The following PDZD2 variants were observed in gnomAD, a reference collection of about 807,000 sequenced individuals.
PDZD2 encodes the protein PDZ domain-containing protein 2.
Under a neutral mutation model 220.7 loss-of-function variants are expected in PDZD2, and 90 were observed. The observed-to-expected ratio is 0.41, with a 90% CI of 0.34 to 0.49. The LOEUF (loss-of-function observed/expected upper bound fraction) is 0.49. Among genes scored for constraint, PDZD2 ranks in the 20% least tolerant of loss-of-function variants. The pLI, the probability that PDZD2 is intolerant of heterozygous loss-of-function variation, is 0.28. For missense variants in PDZD2, 3,174 were observed against 3,608.5 expected, an observed-to-expected ratio of 0.88 and a Z score of 3.08; for synonymous variants, 1,375 against 1,450.5, an observed-to-expected ratio of 0.95 and a Z score of 1.18.
At chr5:31,881,925 G>C (rs1042271020) in intron 2 of PDZD2, among the ~76,000 whole-genome samples, 46 of 151,890 alleles carry the variant, frequency 3.0e-4, no homozygotes, top group Non-Finnish European at 5.9e-5. Flanking sequence ...CTCCACGTTG[G>C]CCAGGCTGGT....
At chr5:31,800,823 C>G (rs1293547953) in intron 2 of PDZD2, among the ~76,000 whole-genome samples, 5 of 152,162 alleles carry the variant, frequency 3.3e-5, no homozygotes, top group African/African-American at 9.7e-5. Flanking sequence ...AGTAAGGCTC[C>G]TATGTCCTAG....
At chr5:31,970,588 G>A (rs2111777115) in intron 2 of PDZD2, among the ~76,000 whole-genome samples, 1 of 151,942 alleles carries the variant, frequency 6.6e-6, no homozygotes, top group South Asian at 2.1e-4. Flanking sequence ...CCTGGGAGGT[G>A]GAAGATGCAG....
chr5:32,003,232 A>G (rs1438191614), intron 5 of PDZD2, among the ~76,000 whole-genome samples: 4 of 1,360 alleles, frequency 2.9e-3, no homozygotes, highest in African/African-American at 0.012. Context: ...ACACCAACAT[A>G]TACCTTCACA....
chr5:31,901,604 C>A (rs148786860), intron 2 of PDZD2, among the ~76,000 whole-genome samples: 1 of 151,954 alleles, frequency 6.6e-6, no homozygotes, highest in Non-Finnish European at 1.5e-5. Flanking sequence ...TTTTAAAAAA[C>A]GGTTTTATTG....
rs192400799 is a variant in PDZD2, at chr5:31,985,074, A to C, written c.978+1418A>C. On this transcript the variant is annotated intron_variant, in intron 3 of 24. Transcript: ENST00000438447. ...AAAAAAGTTGATGTCTCCATCAATG[A>C]TTTGCTACTAATTTTATAAGTTCCC... Among the ~76,000 whole-genome samples, 556 of 151,336 alleles carry C rather than the reference A, an allele frequency of 3.7e-3. 5 individuals are homozygous for C. The highest frequency in any genetic ancestry group is 3.9e-3 in the Non-Finnish European group (264 of 67,906).
intron 1 of PDZD2, among the ~76,000 whole-genome samples, chr5:31,654,299 T>C (rs1258433401): frequency 6.6e-6 from 1 of 152,162 alleles, no homozygotes; most frequent in East Asian, 1.9e-4. Context: ...GCTCTCTGGA[T>C]ACCACACTCT....
At position 32,092,983 on chromosome 5, in the gene PDZD2, A is replaced by G. The variant is rs1413679471; in HGVS notation, c.7804A>G (p.Thr2602Ala). 6.2e-6 allele frequency: 10 copies of G among 1,601,452 alleles called. No individual in the cohort carries two copies. Among genetic ancestry groups the G allele is most frequent in the Non-Finnish European group, 8.6e-6 (10 of 1,168,864 alleles). ...TTTATCGTCAGTGGGATCGAAATCT[A>G]CCATCCTAACTCTCATTCAGGAAGC... is the stretch of plus-strand genomic sequence containing the variant. ...SVLSSVGSKS[T>A]ILTLIQEAKA... The change falls in exon 21 of 25, where the codon ACC becomes GCC. Residue 2602 changes from threonine to alanine, a missense_variant. Physicochemically the swap from Thr to Ala is moderately conservative, Grantham distance 58. This residue lies in a region of PDZD2 where 631 missense variants were observed against 789.9 expected (regional missense o/e 0.80). Coordinates refer to ENST00000438447, the MANE Select transcript of PDZD2 (RefSeq NM_178140.4).
chr5:31,830,359 G>C (rs1223677288), intron 2 of PDZD2, among the ~76,000 whole-genome samples: 1 of 99,322 alleles, frequency 1.0e-5, no homozygotes, highest in Non-Finnish European at 2.0e-5. Flanking sequence ...TGTATTTTTA[G>C]TAGAGACGGG....
At chr5:31,689,353 A>ATATATTTTTTTTTTTTTTTTCTTT in intron 1 of PDZD2, among the ~76,000 whole-genome samples, 1 of 35,142 alleles carries the variant, frequency 2.8e-5, no homozygotes, top group African/African-American at 2.1e-4. Context: ...ATATATATAT[A>ATATATTTTTTTTTTTTTTTTCTTT]TTTTTTTTTT....
chr5:32,035,102 G>A (rs73751903), intron 6 of PDZD2, among the ~76,000 whole-genome samples: 1 of 152,034 alleles, frequency 6.6e-6, no homozygotes, highest in Non-Finnish European at 1.5e-5. Flanking sequence ...TTTTATTCCT[G>A]TTTCTAACCC....
chr5:32,097,693 A>G (rs1228400071), intron 22 of PDZD2, among the ~76,000 whole-genome samples: 1 of 152,206 alleles, frequency 6.6e-6, no homozygotes, highest in East Asian at 1.9e-4. Flanking sequence ...ACTTGTGTTT[A>G]TACAATTACT....
rs181614958 is a variant in PDZD2 at position 32,012,753 on chromosome 5, C to T, written c.1407+2271C>T. ...GCAAGGAATTATTTAATTCAAACTT[C>T]ATATACTAAATACTAGTATATGAAG... On this transcript the variant is annotated intron_variant, in intron 6 of 24. Coordinates refer to ENST00000438447, the MANE Select transcript of PDZD2 (RefSeq NM_178140.4). Among the ~76,000 whole-genome samples, 250 of 152,092 alleles carry T rather than the reference C, an allele frequency of 1.6e-3. 1 individual carries two copies. The highest frequency in any genetic ancestry group is 5.5e-3 in the African/African-American group (229 of 41,514).
chr5:31,783,361 C>G (rs1400617835), intron 1 of PDZD2, among the ~76,000 whole-genome samples: 1 of 152,040 alleles, frequency 6.6e-6, no homozygotes, highest in African/African-American at 2.4e-5. Context: ...GAGGACAGGA[C>G]TGGGCAGGAG....
intron 19 of PDZD2, 125 bp downstream of exon 19, chr5:32,077,731 C>A (rs900727778): frequency 4.3e-6 from 4 of 923,872 alleles, no homozygotes; most frequent in Non-Finnish European, 5.0e-6. Context: ...CCGAGGTGGG[C>A]GGACCACTTG....
intron 2 of PDZD2, among the ~76,000 whole-genome samples, chr5:31,815,964 A>T (rs1403224924): frequency 6.6e-6 from 1 of 152,176 alleles, no homozygotes; most frequent in East Asian, 1.9e-4. Context: ...TTTCTAAACA[A>T]AGCATTTATT....
intron 14 of PDZD2, among the ~76,000 whole-genome samples, chr5:32,065,057 T>C (rs1740095487): frequency 1.3e-5 from 2 of 151,990 alleles, no homozygotes; most frequent in South Asian, 4.1e-4. Flanking sequence ...CCTAGCACTT[T>C]AGGAGGCCGA....
chr5:31,923,451 C>G (rs960478887), intron 2 of PDZD2: 21 of 1,100,178 alleles, frequency 1.9e-5, no homozygotes, highest in Non-Finnish European at 2.8e-5. Flanking sequence ...GGGCTTTATC[C>G]CTCTTGTGAT....
intron 21 of PDZD2, among the ~76,000 whole-genome samples, chr5:32,094,338 A>C (rs534835909): frequency 7.2e-5 from 11 of 152,378 alleles, no homozygotes; most frequent in African/African-American, 2.6e-4. Flanking sequence ...GGCTATACGT[A>C]GAGATTTGAA....
intron 1 of PDZD2, among the ~76,000 whole-genome samples, chr5:31,752,140 G>A (rs1751037707): frequency 7.3e-6 from 1 of 136,884 alleles, no homozygotes; most frequent in African/African-American, 2.7e-5. Flanking sequence ...GTGCAGTGGT[G>A]TAGTCATAGC....
Sources: allele counts gnomAD v4.1 joint callset (sites outside exome capture counted in the v4.1 genomes callset), GRCh38; gene constraint gnomAD v4.1.1; regional missense constraint gnomAD v4.1.1; transcripts MANE v1.5; gene names NCBI Gene and HGNC (gene_info 2026-07-23, HGNC 2026-07-21).